The following RASGRP1 variants were observed in gnomAD, a reference collection of about 807,000 sequenced individuals.
The protein encoded by RASGRP1 is RAS guanyl-releasing protein 1.
Under a neutral mutation model 95.1 loss-of-function variants are expected in RASGRP1, and 37 were observed. That is an observed-to-expected ratio of 0.39 (90% CI 0.30 to 0.51). RASGRP1 has a LOEUF of 0.51. Ranked by LOEUF, RASGRP1 falls within the 20% of genes least tolerant of loss-of-function variation. The pLI, the probability that RASGRP1 is intolerant of heterozygous loss-of-function variation, is 0.80. For missense variants in RASGRP1, 711 were observed against 965.4 expected, an observed-to-expected ratio of 0.74 and a Z score of 3.49; for synonymous variants, 325 against 353.4, an observed-to-expected ratio of 0.92 and a Z score of 0.90.
intron 2 of RASGRP1, among the ~76,000 whole-genome samples, chr15:38,526,669 A>G (rs1892236310): frequency 6.6e-6 from 1 of 152,086 alleles, no homozygotes; most frequent in Non-Finnish European, 1.5e-5. Context: ...GCATCAGCAC[A>G]CTTGAGTCTC....
chr15:38,542,180 G>A (rs1028318331), intron 2 of RASGRP1, among the ~76,000 whole-genome samples: 1 of 152,022 alleles, frequency 6.6e-6, no homozygotes, highest in Non-Finnish European at 1.5e-5. Flanking sequence ...TGACACAGAG[G>A]CAAGGCCCTG....
chr15:38,564,213 A>G lies in RASGRP1; in HGVS notation c.35+381T>C, dbSNP rs1893931202. ...CCACCAGGTGGCGCAGCCGGAGCCC[A>G]GCGCCCCAGCAGGTGCGGGCAGCGC... On this transcript the variant is annotated intron_variant, in intron 1 of 16. Coordinates refer to ENST00000310803, the MANE Select transcript of RASGRP1 (RefSeq NM_005739.4). 2.6e-5 allele frequency among the ~76,000 whole-genome samples: 4 copies of G among 152,326 alleles called. No homozygotes were observed. The South Asian group carries it at 8.3e-4, about 32-fold the overall frequency.
chr15:38,516,434 A>G, intron 5 of RASGRP1, 84 bp from the exon 6 acceptor site: 3 of 1,467,354 alleles, frequency 2.0e-6, no homozygotes, highest in Non-Finnish European at 1.9e-6. Context: ...CATTTCTCAC[A>G]AGAATATACA....
intron 10 of RASGRP1, among the ~76,000 whole-genome samples, chr15:38,505,420 G>C (rs114692722): frequency 6.6e-6 from 1 of 152,050 alleles, no homozygotes; most frequent in Non-Finnish European, 1.5e-5. Context: ...TGATTAGTAC[G>C]CATATTACTC....
In RASGRP1 at chr15:38,543,103, T is replaced by C. The variant is rs559020042; in HGVS notation, c.221-16699A>G. Among the ~76,000 whole-genome samples, 125 of 152,010 alleles carry C rather than the reference T, an allele frequency of 8.2e-4. 1 individual carries two copies. The highest frequency in any genetic ancestry group is 2.8e-3 in the African/African-American group (118 of 41,434). On this transcript the variant is annotated intron_variant, in intron 2 of 16. Transcript: ENST00000310803. ...TTTGTGTCCTGTCTAAAAAATACTC[T>C]AAGTTTGCAAAAACATTGTCCTAAA...
chr15:38,495,933 G>T (rs1367223717), intron 15 of RASGRP1, among the ~76,000 whole-genome samples: 1 of 152,100 alleles, frequency 6.6e-6, no homozygotes, highest in African/African-American at 2.4e-5. Context: ...TAGACATACA[G>T]GGAGCTTGGG....
chr15:38,538,894 T>A (rs1595869944), intron 2 of RASGRP1, among the ~76,000 whole-genome samples: 1 of 152,174 alleles, frequency 6.6e-6, no homozygotes, highest in South Asian at 2.1e-4. Flanking sequence ...GGGTCCCAAA[T>A]AGTTACGGTG....
intron 9 of RASGRP1, among the ~76,000 whole-genome samples, chr15:38,506,766 CTTGA>C (rs1005247712): frequency 6.6e-6 from 1 of 151,656 alleles, no homozygotes; most frequent in Non-Finnish European, 1.5e-5. Flanking sequence ...GATTTCAGAA[CTTGA>C]AATTACATGC....
chr15:38,492,967 G>A (rs1389049331), intron 16 of RASGRP1, among the ~76,000 whole-genome samples: 3 of 148,812 alleles, frequency 2.0e-5, no homozygotes, highest in Admixed American at 1.3e-4. Context: ...TGCAAGCTCC[G>A]CCTCCCAGGT....
intron 16 of RASGRP1, among the ~76,000 whole-genome samples, chr15:38,493,650 T>C (rs1890683345): frequency 6.6e-6 from 1 of 152,226 alleles, no homozygotes; most frequent in South Asian, 2.1e-4. Context: ...CTTGTCATGA[T>C]TGTTAACATT....
chr15:38,527,278 C>T (rs1232858549), intron 2 of RASGRP1, among the ~76,000 whole-genome samples: 1 of 152,156 alleles, frequency 6.6e-6, no homozygotes, highest in Non-Finnish European at 1.5e-5. Flanking sequence ...TTGGGAAGCA[C>T]CAGCAAGAGA....
At chr15:38,513,398 C>T (rs1044046409) in intron 6 of RASGRP1, among the ~76,000 whole-genome samples, 6 of 152,210 alleles carry the variant, frequency 3.9e-5, no homozygotes, top group Admixed American at 1.3e-4. Context: ...ATCATAAAAT[C>T]TGCCCTATCT....
chr15:38,510,078 T>G (rs1891441249), intron 8 of RASGRP1, among the ~76,000 whole-genome samples: 1 of 152,180 alleles, frequency 6.6e-6, no homozygotes, highest in Non-Finnish European at 1.5e-5. Flanking sequence ...AAAGATATTT[T>G]TATTCCCCTC....
intron 8 of RASGRP1, among the ~76,000 whole-genome samples, chr15:38,510,565 T>C (rs184745599): frequency 4.5e-4 from 69 of 152,302 alleles, no homozygotes; most frequent in Non-Finnish European, 1.0e-4. Context: ...GGGGCTTGAG[T>C]ATAGTAAGGT....
chr15:38,541,462 C>A (rs1222329883), intron 2 of RASGRP1, among the ~76,000 whole-genome samples: 1 of 152,092 alleles, frequency 6.6e-6, no homozygotes, highest in Admixed American at 6.6e-5. Flanking sequence ...CATGGTGGCT[C>A]ATGACTATGG....
chr15:38,511,071 C>G (rs866854273), intron 8 of RASGRP1, among the ~76,000 whole-genome samples: 1 of 152,148 alleles, frequency 6.6e-6, no homozygotes, highest in Non-Finnish European at 1.5e-5. Context: ...GAAAAATATT[C>G]ATTAATAAAA....
chr15:38,503,843 T>C (rs1260344792), intron 10 of RASGRP1: 1 of 201,870 alleles, frequency 5.0e-6, no homozygotes, highest in Non-Finnish European at 9.9e-6. Context: ...CATCACTTAA[T>C]GACTGGGATA....
intron 6 of RASGRP1, among the ~76,000 whole-genome samples, chr15:38,515,893 G>C (rs78857488): frequency 0.012 from 1,653 of 138,364 alleles, 19 homozygotes; most frequent in Non-Finnish European, 0.02. Flanking sequence ...GAGACAGAGA[G>C]AGAGAGAGAG....
Position 38,516,110 on chromosome 15 carries a change from G to A in RASGRP1, c.675+87C>T, listed in dbSNP as rs971391999. 5.5e-6 allele frequency: 8 copies of A among 1,455,112 alleles called. No homozygotes were observed. In the Admixed American group the frequency reaches 1.5e-4, roughly 27 times the overall value. 90.1% of individuals were successfully genotyped at this position (1,455,112 alleles called of 1,614,324 possible). A position where few individuals can be genotyped will look rare whatever the true frequency, so the allele number is the denominator to read the frequency against. On this transcript the variant is annotated intron_variant, in intron 6 of 16. Coordinates refer to ENST00000310803, the MANE Select transcript of RASGRP1 (RefSeq NM_005739.4). ...GCCACGACTTGAGGGGGCCTCTAAG[G>A]TTATGAAGCGGATGGGCTGTTGAAT...
Sources: allele counts gnomAD v4.1 joint callset (sites outside exome capture counted in the v4.1 genomes callset), GRCh38; gene constraint gnomAD v4.1.1; transcripts MANE v1.5; gene names NCBI Gene and HGNC (gene_info 2026-07-23, HGNC 2026-07-21).